SULT1A1: variants seen among roughly 807,000 people sequenced by gnomAD.
SULT1A1 encodes sulfotransferase 1A1.
A neutral mutation model predicts 36.8 loss-of-function variants in SULT1A1; 35 were observed. That is an observed-to-expected ratio of 0.95 (90% CI 0.73 to 1.26). The LOEUF (loss-of-function observed/expected upper bound fraction) is 1.26, where lower values mean the gene tolerates loss of function less well. Ranked by LOEUF, SULT1A1 falls within the 50% of genes most tolerant of loss-of-function variation. The pLI is 0.00. For synonymous variants in SULT1A1, 119 were observed against 146.0 expected, an observed-to-expected ratio of 0.82 and a Z score of 1.33; for missense variants, 309 against 383.0, an observed-to-expected ratio of 0.81 and a Z score of 1.61.
Position 28,606,193 on chromosome 16 carries a change from C to T in SULT1A1, c.638G>A (p.Arg213His), listed in dbSNP as rs1042028. 454,016 of 1,484,706 alleles carry T rather than the reference C, an allele frequency of 0.31. 93,546 individuals carry two copies. Among genetic ancestry groups the T allele is most frequent in the Admixed American group, 0.36 (20,305 of 56,710 alleles). 92.0% of individuals were successfully genotyped at this position (1,484,706 alleles called of 1,614,324 possible). A position where few individuals can be genotyped will look rare whatever the true frequency, so the allele number is the denominator to read the frequency against. Reference sequence around the variant, plus strand: ...GTCCACGGTCTCCTCTGGCAGGGAGCGCCCCACAAACTCCAGGATCTTTTG... The same window carrying T: ...GTCCACGGTCTCCTCTGGCAGGGAGTGCCCCACAAACTCCAGGATCTTTTG... Reference protein sequence around the residue: ...EIQKILEFVGRSLPEETVDFV... With the variant: ...EIQKILEFVGHSLPEETVDFV... Residue 213 changes from arginine (R) to histidine (H), a missense_variant, in exon 7 of 8, where the codon CGC (arginine) becomes CAC (histidine). This residue lies in a region of SULT1A1 where 67 missense variants were observed against 122.0 expected (regional missense o/e 0.55). Transcript: ENST00000314752.
rs757663980 is a variant in SULT1A1, at chr16:28,609,372, G to C, written c.-4-513C>G. 58 of 1,290,244 alleles carry C rather than the reference G, an allele frequency of 4.5e-5. No homozygotes were observed. In the Middle Eastern group the frequency reaches 1.1e-3, roughly 24 times the overall value. The allele number at this position is 1,290,244 out of a possible 1,614,324, so 79.9% of individuals were successfully genotyped here. ...CCTGTGATCCACTTGCCTGGCCACAGTCCATCTGGGCTCCAGGACAAACAC... is the reference window on the plus strand; with the variant it reads ...CCTGTGATCCACTTGCCTGGCCACACTCCATCTGGGCTCCAGGACAAACAC... On this transcript the variant is annotated intron_variant, in intron 1 of 7. Transcript: ENST00000314752.
In SULT1A1 at chr16:28,607,080, G is replaced by C; in HGVS notation, c.373-3C>G. ...GCGTTGCGGGCAACATAGACCACCT[G>C]CAGGGGCAGAAGACTCAACCCCAGC... On this transcript the variant is annotated splice_region_variant and splice_polypyrimidine_tract_variant and intron_variant, in intron 4 of 7. Coordinates refer to ENST00000314752, the MANE Select transcript of SULT1A1 (RefSeq NM_001055.4). 1 of 1,612,240 alleles carries C rather than the reference G, an allele frequency of 6.2e-7. No individual in the cohort carries two copies. Among genetic ancestry groups the C allele is most frequent in the Non-Finnish European group, 8.5e-7 (1 of 1,178,506 alleles).
chr16:28,605,832 A>G lies in SULT1A1; in HGVS notation c.877T>C (p.Ser293Pro). The G allele has an allele frequency of 6.2e-7, 1 of 1,609,352 alleles. No homozygotes were observed. Among genetic ancestry groups the G allele is most frequent in the Non-Finnish European group, 8.5e-7 (1 of 1,177,842 alleles). ...TCCAGGAGCCCCTCTCACAGCTCAGAGCGGAAGCTGAGGCTGCAGCCTGCC... is the reference window on the plus strand; with the variant it reads ...TCCAGGAGCCCCTCTCACAGCTCAGGGCGGAAGCTGAGGCTGCAGCCTGCC... ...KMAGCSLSFR[S>P]EL The change falls in exon 8 of 8, where the codon TCT becomes CCT. Residue 293 changes from serine (S) to proline (P), a missense_variant. By Grantham distance (74) the Ser-to-Pro change is moderately conservative. Coordinates refer to ENST00000314752, the MANE Select transcript of SULT1A1 (RefSeq NM_001055.4).
upstream of SULT1A1, chr16:28,610,253 TTTTTTTTTCTG>T (rs1261585157): frequency 4.5e-6 from 5 of 1,123,072 alleles, no homozygotes; most frequent in East Asian, 6.0e-5. Flanking sequence ...TTTTGTAGGT[TTTTTTTTTCTG>T]TTTTTTTTTT....
Position 28,616,739 on chromosome 16 carries a change from A to G in SULT1A1, c.138+3324T>C, listed in dbSNP as rs569951890. ...CACCCGACGTACTTCATTATTTCTT[A>G]TGTGAACTTGGCTACAATAACCCCC... On this transcript the variant is annotated intron_variant, in intron 2 of 5. Coordinates refer to the SULT1A1 transcript ENST00000350842. 2.0e-5 allele frequency among the ~76,000 whole-genome samples: 3 copies of G among 152,130 alleles called. No homozygotes were observed. In the East Asian group the frequency reaches 5.8e-4, roughly 29 times the overall value.
intron 2 of SULT1A1, among the ~76,000 whole-genome samples, chr16:28,618,879 T>C (rs933363066): frequency 9.2e-5 from 14 of 152,294 alleles, no homozygotes; most frequent in African/African-American, 2.9e-4. Flanking sequence ...ATTTTGCAAA[T>C]AGAATCCCAA....
chr16:28,621,099 G>A (rs1376465880), intron 1 of SULT1A1, among the ~76,000 whole-genome samples: 5 of 150,862 alleles, frequency 3.3e-5, no homozygotes, highest in African/African-American at 4.9e-5. Flanking sequence ...ATGATAAAGC[G>A]AGACTCTGTC....
At chr16:28,621,816 A>G (rs1189563235) in intron 1 of SULT1A1, among the ~76,000 whole-genome samples, 4 of 152,172 alleles carry the variant, frequency 2.6e-5, no homozygotes, top group Admixed American at 6.5e-5. Context: ...AGAAATTGCA[A>G]TGATGATAGA....
At chr16:28,620,250 T>C in intron 1 of SULT1A1, 9 of 956,724 alleles carry the variant, frequency 9.4e-6, no homozygotes, top group Non-Finnish European at 1.4e-5. Context: ...TCCATCAATA[T>C]GACCCTCTGA....
chr16:28,621,171 C>G (rs371675105), intron 1 of SULT1A1, among the ~76,000 whole-genome samples: 1 of 151,000 alleles, frequency 6.6e-6, no homozygotes, highest in Non-Finnish European at 1.5e-5. Flanking sequence ...GTTGTTTCCT[C>G]ATTTGTAACA....
intron 2 of SULT1A1, among the ~76,000 whole-genome samples, chr16:28,617,923 G>C (rs1596652473): frequency 1.3e-5 from 2 of 152,138 alleles, no homozygotes; most frequent in South Asian, 4.1e-4. Flanking sequence ...CCTGAGGGTA[G>C]ATGAGACTCA....
chr16:28,610,285 T>C (rs940932328), upstream of SULT1A1: 6 of 1,080,308 alleles, frequency 5.6e-6, no homozygotes, highest in African/African-American at 1.1e-4. Context: ...TTTTTTTTTT[T>C]TTTTTCCGAG....
chr16:28,623,347 C>T lies in SULT1A1; in HGVS notation c.-150G>A. 2.7e-6 allele frequency: 4 copies of T among 1,499,438 alleles called. No homozygotes were observed. In the African/African-American group the frequency reaches 5.6e-5, roughly 21 times the overall value. 92.9% of individuals were successfully genotyped at this position (1,499,438 alleles called of 1,614,324 possible). ...CCCTGCAGCCGTTGCTGCAGCACGT[C>T]CCCGGCGGAGACGAGCGAGCTACGG... On this transcript the variant is annotated 5_prime_UTR_variant, in exon 1 of 6. Transcript: ENST00000350842.
Position 28,608,580 on chromosome 16 carries a change from G to A in SULT1A1, c.172C>T (p.Leu58=), listed in dbSNP as rs2151693316. Residue 58 remains leucine (L), a synonymous_variant, in exon 3 of 8, where the codon CTG becomes TTG. Transcript: ENST00000314752. Reference sequence around the variant, plus strand: ...TCACCACCCTGGTAGATCATGTCCAGAATCTGGCTTACCCAGGTAGTGCCT... The same window carrying A: ...TCACCACCCTGGTAGATCATGTCCAAAATCTGGCTTACCCAGGTAGTGCCT... The part of the protein sequence containing the change: ...KSGTTWVSQI[L]DMIYQGGDLE... 6.2e-7 allele frequency: 1 copy of A among 1,612,354 alleles called. No homozygotes were observed.
intron 2 of SULT1A1, among the ~76,000 whole-genome samples, chr16:28,617,665 C>G (rs1177437884): frequency 6.6e-6 from 1 of 152,112 alleles, no homozygotes; most frequent in Non-Finnish European, 1.5e-5. Context: ...CCTCAGTCTC[C>G]TGAGTAGCTG....
At chr16:28,607,383 C>A in intron 4 of SULT1A1, 1 of 413,410 alleles carries the variant, frequency 2.4e-6, no homozygotes, top group Admixed American at 3.8e-5. Flanking sequence ...CCTGTGAGGA[C>A]CCACCCTCTA....
chr16:28,606,651 G>A, intron 6 of SULT1A1, 110 bp downstream of exon 6: 1 of 1,503,216 alleles, frequency 6.7e-7, no homozygotes, highest in Non-Finnish European at 9.0e-7. Flanking sequence ...TGGGGAATCT[G>A]GTCCTGCTGT....
chr16:28,608,548 C>T lies in SULT1A1; in HGVS notation c.204G>A (p.Glu68=), dbSNP rs755858926. 255 of 1,612,252 alleles carry T rather than the reference C, an allele frequency of 1.6e-4. 8 individuals are homozygous for T. The highest frequency in any genetic ancestry group is 5.0e-4 in the Middle Eastern group (3 of 6,052). The part of the protein sequence containing the change: ...LDMIYQGGDL[E]KCHRAPIFMR... ...TGAAGATGGGAGCTCGGTGACACTT[C>T]TCCAGGTCACCACCCTGGTAGATCA... Residue 68 remains glutamate, a synonymous_variant, in exon 3 of 8, where the codon GAG becomes GAA. Transcript: ENST00000314752.
chr16:28,609,515 G>T, intron 1 of SULT1A1: 1 of 819,116 alleles, frequency 1.2e-6, no homozygotes, highest in African/African-American at 1.7e-5. Flanking sequence ...TATAATCCCA[G>T]ACCCTAGGGA....
Sources: gnomAD v4.1 joint callset for allele counts (sites outside exome capture counted in the v4.1 genomes callset) on GRCh38, gnomAD v4.1.1 for gene constraint, gnomAD v4.1.1 regional missense constraint, MANE v1.5 for transcripts, NCBI Gene and HGNC (gene_info 2026-07-23, HGNC 2026-07-21) for gene names.